Variants in ADCY8 observed in about 807,000 individuals in gnomAD.
ADCY8 encodes adenylate cyclase type 8.
A neutral mutation model predicts 119.7 loss-of-function variants in ADCY8; 51 were observed. The ratio of observed to expected loss-of-function variants is 0.43; its 90% CI spans 0.34 to 0.54. The LOEUF is 0.54. Among genes scored for constraint, ADCY8 ranks in the 20% least tolerant of loss-of-function variants. The pLI, the probability that ADCY8 is intolerant of heterozygous loss-of-function variation, is 0.03. For missense variants in ADCY8, 1,383 were observed against 1,598.8 expected (o/e 0.87, Z 2.30); for synonymous variants, 665 against 651.0 (o/e 1.02, Z -0.33).
chr8:130,810,507 C>T (rs1292546067), intron 14 of ADCY8, among the ~76,000 whole-genome samples: 1 of 152,154 alleles, frequency 6.6e-6, no homozygotes, highest in East Asian at 1.9e-4. Flanking sequence ...GAAAGTAGGG[C>T]ATACCCTGCA....
intron 5 of ADCY8, among the ~76,000 whole-genome samples, chr8:130,918,385 A>G (rs990367795): frequency 1.9e-4 from 29 of 152,110 alleles, no homozygotes; most frequent in Admixed American, 3.9e-4. Context: ...ACCTAATTAG[A>G]TCCCAAAAGC....
Position 131,039,797 on chromosome 8 carries a change from G to C in ADCY8, c.537C>G (p.Arg179=), listed in dbSNP as rs1245013828. The C allele has an allele frequency of 6.2e-7, 1 of 1,614,090 alleles. No homozygotes were observed. Among genetic ancestry groups the C allele is most frequent in the African/African-American group, 1.3e-5 (1 of 74,930 alleles). Residue 179 remains arginine, a synonymous_variant, in exon 1 of 18, where the codon CGC becomes CGG. Transcript: ENST00000286355. ...GCACGTTCATCACCACTTCCGATTT[G>C]CGCCTTTGGCCCAAGAAATAGCGCT... ...LYQRYFLGQR[R]KSEVVMNVLD... is the part of the protein sequence containing the mutation.
chr8:130,890,973 G>A (rs1188255165), intron 7 of ADCY8, among the ~76,000 whole-genome samples: 1 of 152,194 alleles, frequency 6.6e-6, no homozygotes, highest in Non-Finnish European at 1.5e-5. Flanking sequence ...GAGAACGCCA[G>A]GCTCAGCAAT....
intron 9 of ADCY8, among the ~76,000 whole-genome samples, chr8:130,865,792 G>T (rs1295029736): frequency 6.6e-6 from 1 of 152,006 alleles, no homozygotes; most frequent in African/African-American, 2.4e-5. Context: ...AAGTGATTTT[G>T]ATTTCACTCA....
At chr8:130,811,676 T>C (rs1054995252) in intron 14 of ADCY8, among the ~76,000 whole-genome samples, 1 of 152,182 alleles carries the variant, frequency 6.6e-6, no homozygotes, top group African/African-American at 2.4e-5. Context: ...CTCCAGTTCA[T>C]CCACAGGCAT....
At position 130,917,562 on chromosome 8, in the gene ADCY8, C is replaced by T. The variant is rs944871191; in HGVS notation, c.1482-7696G>A. On this transcript the variant is annotated intron_variant, in intron 5 of 17. Coordinates refer to ENST00000286355, the MANE Select transcript of ADCY8 (RefSeq NM_001115.3). ...GCAATGGTGTTCTTGAAGATGAAAG[C>T]GTTGCTGACCCTTCCTGCCCTGGTG... Among the ~76,000 whole-genome samples the T allele has an allele frequency of 3.3e-5, 5 of 152,278 alleles. 1 individual carries two copies. Among genetic ancestry groups the T allele is most frequent in the South Asian group, 4.1e-4 (2 of 4,820 alleles).
rs1255372084 is a variant in ADCY8, at chr8:130,798,912, C to G, written c.3060+1514G>C. Reference sequence around the variant, plus strand: ...CATGCACACACACATGCACACACCACACACATACACATATACACACACACA... The same window carrying G: ...CATGCACACACACATGCACACACCAGACACATACACATATACACACACACA... On this transcript the variant is annotated intron_variant, in intron 15 of 17. Transcript: ENST00000286355. Among the ~76,000 whole-genome samples the G allele has an allele frequency of 3.9e-5, 6 of 152,164 alleles. No homozygotes were observed. The East Asian group carries it at 1.2e-3, about 29-fold the overall frequency.
rs546001397 is a variant in ADCY8, at chr8:131,022,485, G to A, written c.960+16889C>T. Reference sequence around the variant, plus strand: ...TTTTATGGTTGTATAGTATTCCATGGTGTATATGTGCCAAATTTTCTTTAT... The same window carrying A: ...TTTTATGGTTGTATAGTATTCCATGATGTATATGTGCCAAATTTTCTTTAT... On this transcript the variant is annotated intron_variant, in intron 1 of 17. Transcript: ENST00000286355. 2.6e-5 allele frequency among the ~76,000 whole-genome samples: 4 copies of A among 152,288 alleles called. No individual in the cohort carries two copies. In the East Asian group the frequency reaches 7.7e-4, roughly 29 times the overall value.
intron 1 of ADCY8, among the ~76,000 whole-genome samples, chr8:131,018,005 A>G (rs1823536609): frequency 6.6e-6 from 1 of 152,218 alleles, no homozygotes; most frequent in Non-Finnish European, 1.5e-5. Flanking sequence ...TAAACATTTT[A>G]TGTTTTATTG....
At chr8:130,990,195 G>T (rs1394770140) in intron 2 of ADCY8, among the ~76,000 whole-genome samples, 198 bp downstream of exon 2, 1 of 152,234 alleles carries the variant, frequency 6.6e-6, no homozygotes, top group Admixed American at 6.5e-5. Flanking sequence ...GGGGAACGAT[G>T]AATTGAGTGT....
intron 1 of ADCY8, among the ~76,000 whole-genome samples, chr8:131,006,195 C>G (rs975107339): frequency 1.3e-5 from 2 of 152,174 alleles, no homozygotes; most frequent in Admixed American, 6.5e-5. Flanking sequence ...TCATACTGCT[C>G]TATAGCTCCT....
At chr8:130,906,316 C>A (rs1475141388) in intron 6 of ADCY8, among the ~76,000 whole-genome samples, 4 of 152,160 alleles carry the variant, frequency 2.6e-5, no homozygotes, top group Non-Finnish European at 5.9e-5. Context: ...CAAAATGAAC[C>A]TGGTAGGAGG....
chr8:130,802,209 C>A (rs1224401835), intron 14 of ADCY8, among the ~76,000 whole-genome samples: 1 of 152,188 alleles, frequency 6.6e-6, no homozygotes, highest in African/African-American at 2.4e-5. Context: ...GTGGCACCAG[C>A]ATTGCCAAAT....
intron 14 of ADCY8, among the ~76,000 whole-genome samples, chr8:130,809,011 C>T (rs2130146557): frequency 6.6e-6 from 1 of 152,252 alleles, no homozygotes; most frequent in Non-Finnish European, 1.5e-5. Flanking sequence ...CAAGAATGTT[C>T]CTGACCAGAG....
chr8:130,962,556 AGTCGTCAAAATG>A (rs1821636369), intron 2 of ADCY8, among the ~76,000 whole-genome samples: 1 of 152,184 alleles, frequency 6.6e-6, no homozygotes, highest in South Asian at 2.1e-4. Context: ...ACTCTATTCA[AGTCGTCAAAATG>A]GTTTTACAGG....
chr8:130,916,356 A>T (rs1353197408), intron 5 of ADCY8, among the ~76,000 whole-genome samples: 1 of 152,194 alleles, frequency 6.6e-6, no homozygotes, highest in Non-Finnish European at 1.5e-5. Context: ...ATTGTGGGGT[A>T]GGGACTGCCA....
intron 1 of ADCY8, among the ~76,000 whole-genome samples, chr8:131,001,264 C>A (rs1822937121): frequency 6.6e-6 from 1 of 152,076 alleles, no homozygotes; most frequent in South Asian, 2.1e-4. Context: ...CTCTCCACAG[C>A]TCTCAGGGGT....
At chr8:130,972,743 G>A (rs989809319) in intron 2 of ADCY8, among the ~76,000 whole-genome samples, 1 of 152,064 alleles carries the variant, frequency 6.6e-6, no homozygotes, top group Non-Finnish European at 1.5e-5. Context: ...TGCCACCCTG[G>A]TCTTATGCTA....
At chr8:130,846,450 A>G (rs944557354) in intron 11 of ADCY8, among the ~76,000 whole-genome samples, 1 of 152,092 alleles carries the variant, frequency 6.6e-6, no homozygotes, top group Non-Finnish European at 1.5e-5. Context: ...TCTTTGTATC[A>G]GTTAAGTTTA....
Sources: gnomAD v4.1 joint callset for allele counts (sites outside exome capture counted in the v4.1 genomes callset) on GRCh38, gnomAD v4.1.1 for gene constraint, MANE v1.5 for transcripts, NCBI Gene and HGNC (gene_info 2026-07-23, HGNC 2026-07-21) for gene names.